The following ATP10B variants were observed in gnomAD, a reference collection of about 807,000 sequenced individuals.
ATP10B encodes phospholipid-transporting ATPase VB.
Under a neutral mutation model 141.2 loss-of-function variants are expected in ATP10B, and 122 were observed. The ratio of observed to expected loss-of-function variants is 0.86; its 90% confidence interval spans 0.75 to 1.00. The LOEUF is 1.00. Ranked by LOEUF, ATP10B falls within the 50% of genes least tolerant of loss-of-function variation. The probability of loss-of-function intolerance (pLI) is 0.00; values close to 1 mark genes in which losing one functional copy is unlikely to be tolerated. For missense variants in ATP10B, 1,876 were observed against 1,825.3 expected (o/e 1.03, Z -0.51); for synonymous variants, 685 against 692.0 (o/e 0.99, Z 0.16).
At chr5:160,876,587 G>T in the ATP10B span, among the ~76,000 whole-genome samples, 3 of 150,926 alleles carry the variant, frequency 2.0e-5, no homozygotes, top group African/African-American at 4.8e-5. Flanking sequence ...AAAAATTAAT[G>T]AATCCAGAAG....
chr5:160,803,599 C>T (rs1409851960), intron 1 of ATP10B, among the ~76,000 whole-genome samples: 1 of 152,090 alleles, frequency 6.6e-6, no homozygotes, highest in Non-Finnish European at 1.5e-5. Context: ...TCATTGGAAC[C>T]CCGGAGGTGG....
chr5:160,747,668 G>T (rs190704331), intron 2 of ATP10B, among the ~76,000 whole-genome samples: 3 of 152,234 alleles, frequency 2.0e-5, no homozygotes, highest in Non-Finnish European at 4.4e-5. Flanking sequence ...TTCAGAGGGG[G>T]CATGGTCCTG....
intron 6 of ATP10B, among the ~76,000 whole-genome samples, chr5:160,671,121 C>T (rs1450451754): frequency 2.8e-5 from 4 of 141,106 alleles, no homozygotes; most frequent in East Asian, 4.2e-4. Context: ...GCCGAGATTG[C>T]GCCACTGCAC....
chr5:160,851,761 A>T (rs1753828151), intron 1 of ATP10B, among the ~76,000 whole-genome samples, 180 bp downstream of exon 1: 1 of 152,230 alleles, frequency 6.6e-6, no homozygotes, highest in South Asian at 2.1e-4. Flanking sequence ...TTGACGAAAA[A>T]TAAAACATTC....
chr5:160,799,041 A>AC (rs989154684), intron 1 of ATP10B, among the ~76,000 whole-genome samples: 3 of 152,102 alleles, frequency 2.0e-5, no homozygotes, highest in Admixed American at 2.0e-4. Context: ...CTAAGCCACC[A>AC]CGCCCAGCCA....
chr5:160,782,359 T>C (rs1770774085), intron 2 of ATP10B, among the ~76,000 whole-genome samples: 2 of 152,052 alleles, frequency 1.3e-5, no homozygotes, highest in South Asian at 4.2e-4. Context: ...TTTCTTATTG[T>C]TCTGTAACAA....
chr5:160,794,475 C>T (rs1345053663), intron 1 of ATP10B, among the ~76,000 whole-genome samples: 2 of 152,160 alleles, frequency 1.3e-5, no homozygotes, highest in African/African-American at 4.8e-5. Context: ...CAATCAAAGT[C>T]TTTTTAGGGA....
At chr5:160,890,681 C>A in the ATP10B span, among the ~76,000 whole-genome samples, 1 of 152,222 alleles carries the variant, frequency 6.6e-6, no homozygotes, top group South Asian at 2.1e-4. Context: ...ATCCATTCAT[C>A]ATCTGATGGC....
At chr5:160,805,954 G>C (rs1772741438) in intron 1 of ATP10B, among the ~76,000 whole-genome samples, 1 of 152,150 alleles carries the variant, frequency 6.6e-6, no homozygotes, top group African/African-American at 2.4e-5. Flanking sequence ...AAGCCCTAAG[G>C]CCTCAGAACC....
chr5:160,837,805 T>C (rs993109858), intron 1 of ATP10B, among the ~76,000 whole-genome samples: 4 of 152,142 alleles, frequency 2.6e-5, no homozygotes, highest in Non-Finnish European at 5.9e-5. Context: ...TGATCCATCC[T>C]CCACCCCATT....
intron 2 of ATP10B, among the ~76,000 whole-genome samples, chr5:160,733,567 CAT>C (rs574471931): frequency 1.4e-3 from 214 of 151,900 alleles, no homozygotes; most frequent in Non-Finnish European, 2.5e-3. Context: ...AGAAAAATGA[CAT>C]ATATATGTCA....
At chr5:160,841,399 C>T (rs1342129207) in intron 1 of ATP10B, among the ~76,000 whole-genome samples, 5 of 152,002 alleles carry the variant, frequency 3.3e-5, no homozygotes, top group Admixed American at 3.3e-4. Context: ...CAAAGAGAAA[C>T]CCAGGAAGTC....
chr5:160,615,501 CT>C (rs1757947675), intron 17 of ATP10B, among the ~76,000 whole-genome samples: 1 of 151,720 alleles, frequency 6.6e-6, no homozygotes, highest in Non-Finnish European at 1.5e-5. Context: ...GCTCCTGTCC[CT>C]TGTTGCAGCC....
chr5:160,842,549 A>G (rs893453982), intron 1 of ATP10B, among the ~76,000 whole-genome samples: 8 of 152,100 alleles, frequency 5.3e-5, no homozygotes, highest in African/African-American at 1.9e-4. Context: ...TAAAACAGAA[A>G]AAAGAGAAGA....
chr5:160,906,354 C>T, the ATP10B span, among the ~76,000 whole-genome samples: 1 of 152,104 alleles, frequency 6.6e-6, no homozygotes, highest in Non-Finnish European at 1.5e-5. Context: ...GTTCACTCTC[C>T]ATACCCTATG....
At chr5:160,627,683 T>C (rs1447821512) in intron 13 of ATP10B, among the ~76,000 whole-genome samples, 2 of 151,952 alleles carry the variant, frequency 1.3e-5, no homozygotes, top group East Asian at 1.9e-4. Context: ...TAGCAGTCAT[T>C]AAAAAAAATA....
the ATP10B span, among the ~76,000 whole-genome samples, chr5:160,876,691 G>T: frequency 6.6e-6 from 1 of 151,964 alleles, no homozygotes; most frequent in Admixed American, 6.6e-5. Context: ...AATAAAAAAT[G>T]ATAAAGGGGA....
intron 7 of ATP10B, among the ~76,000 whole-genome samples, chr5:160,660,345 T>A (rs1761823520): frequency 6.6e-6 from 1 of 152,214 alleles, no homozygotes; most frequent in Non-Finnish European, 1.5e-5. Context: ...CCACTTCTCA[T>A]TTTTAAGAAG....
At chr5:160,914,508 T>C in the ATP10B span, among the ~76,000 whole-genome samples, 1 of 152,256 alleles carries the variant, frequency 6.6e-6, no homozygotes, top group African/African-American at 2.4e-5. Flanking sequence ...TAATACCTTA[T>C]ATGATGCAAA....
Sources: allele counts gnomAD v4.1 joint callset (sites outside exome capture counted in the v4.1 genomes callset), GRCh38; gene constraint gnomAD v4.1.1; transcripts MANE v1.5; gene names NCBI Gene and HGNC (gene_info 2026-07-23, HGNC 2026-07-21).